The following SPINK9 variants were observed in gnomAD, a reference collection of about 807,000 sequenced individuals.
The protein encoded by SPINK9 is serine protease inhibitor Kazal-type 9.
Under a neutral mutation model 10.8 loss-of-function variants are expected in SPINK9, and 3 were observed. The ratio of observed to expected loss-of-function variants is 0.28; its 90% CI spans 0.13 to 0.72. The LOEUF (loss-of-function observed/expected upper bound fraction) is 0.72, where lower values mean the gene tolerates loss of function less well. Ranked by LOEUF, SPINK9 falls within the 30% of genes least tolerant of loss-of-function variation. The pLI is 0.74. For synonymous variants in SPINK9, 30 were observed against 31.2 expected (o/e 0.96, Z 0.12); for missense variants, 101 against 103.2 (o/e 0.98, Z 0.09).
chr5:148,326,687 C>T (rs902852922), intron 2 of SPINK9, among the ~76,000 whole-genome samples: 10 of 151,914 alleles, frequency 6.6e-5, no homozygotes, highest in Middle Eastern at 3.2e-3. Context: ...CAACAGTCCC[C>T]GGTGTGTGAT....
intron 2 of SPINK9, among the ~76,000 whole-genome samples, chr5:148,329,692 C>T (rs1757120967): frequency 6.6e-6 from 1 of 152,042 alleles, no homozygotes; most frequent in Admixed American, 6.5e-5. Flanking sequence ...CCCAGAGATT[C>T]TGGTATGTTG....
upstream of SPINK9, among the ~76,000 whole-genome samples, chr5:148,335,092 C>T (rs944785896): frequency 2.0e-5 from 3 of 152,164 alleles, no homozygotes; most frequent in African/African-American, 7.2e-5. Context: ...ATAAAGTGTC[C>T]TCCAATTCTA....
At chr5:148,330,436 T>A (rs1757133055) in intron 2 of SPINK9, among the ~76,000 whole-genome samples, 1 of 152,204 alleles carries the variant, frequency 6.6e-6, no homozygotes, top group Non-Finnish European at 1.5e-5. Context: ...TACAGCACAC[T>A]GATGGGTCTT....
Position 148,339,737 on chromosome 5 carries a change from C to G in SPINK9, c.*25C>G, listed in dbSNP as rs1757265231. The stretch of plus-strand genomic sequence containing the variant: ...AATCTATCTTGTGAGTCCAAAATAT[C>G]TTTTAATGCATCTATTCACAAGAGT... On this transcript the variant is annotated 3_prime_UTR_variant, in exon 4 of 4. Coordinates refer to ENST00000377906, the MANE Select transcript of SPINK9 (RefSeq NM_001040433.2). 6.3e-7 allele frequency: 1 copy of G among 1,577,062 alleles called. No individual in the cohort carries two copies. The highest frequency in any genetic ancestry group is 8.7e-7 in the Non-Finnish European group (1 of 1,147,272).
chr5:148,322,863 T>C (rs1229274303), intron 1 of SPINK9, among the ~76,000 whole-genome samples: 2 of 152,304 alleles, frequency 1.3e-5, no homozygotes, highest in East Asian at 3.9e-4. Context: ...CTGTTGATAA[T>C]GCTGACCTTT....
At chr5:148,335,757 A>G (rs1757209365) in intron 1 of SPINK9, 89 bp downstream of exon 1, 1 of 1,433,432 alleles carries the variant, frequency 7.0e-7, no homozygotes, top group Non-Finnish European at 9.6e-7. Context: ...TATGTAATTC[A>G]TCACATAAAT....
chr5:148,321,593 C>T (rs553581019), intron 1 of SPINK9, among the ~76,000 whole-genome samples: 64 of 151,818 alleles, frequency 4.2e-4, no homozygotes, highest in African/African-American at 1.5e-3. Flanking sequence ...CAAGTCCAAT[C>T]CTCTTTTCAT....
intron 2 of SPINK9, among the ~76,000 whole-genome samples, chr5:148,325,380 T>C (rs1054575074): frequency 2.6e-5 from 4 of 152,122 alleles, no homozygotes; most frequent in Admixed American, 2.6e-4. Context: ...CATTTTCATT[T>C]ACATTTATAC....
At chr5:148,336,479 G>A (rs745862266) in intron 2 of SPINK9, 26 bp downstream of exon 2, 14 of 1,609,638 alleles carry the variant, frequency 8.7e-6, no homozygotes, top group Non-Finnish European at 1.2e-5. Context: ...CTACTTTTAT[G>A]TAATTTTAAA....
intron 2 of SPINK9, among the ~76,000 whole-genome samples, chr5:148,328,845 G>C (rs910630686): frequency 3.3e-5 from 5 of 152,130 alleles, no homozygotes; most frequent in Admixed American, 6.5e-5. Flanking sequence ...GCATCCCAGG[G>C]ATGAAGCCCA....
intron 2 of SPINK9, among the ~76,000 whole-genome samples, chr5:148,328,972 G>A (rs1047889533): frequency 6.2e-4 from 95 of 152,076 alleles, no homozygotes; most frequent in African/African-American, 2.2e-3. Context: ...CTCTTTTTTC[G>A]TTGTGTCTCT....
chr5:148,327,882 A>C (rs1311769718), intron 2 of SPINK9, among the ~76,000 whole-genome samples: 4 of 152,204 alleles, frequency 2.6e-5, no homozygotes, highest in African/African-American at 7.2e-5. Context: ...TTTTTGTACC[A>C]GTACCATGCT....
In SPINK9 at chr5:148,339,629, C is replaced by T. The variant is rs754926308; in HGVS notation, c.216-38C>T. The T allele has an allele frequency of 5.1e-6, 8 of 1,582,960 alleles. No homozygotes were observed. The South Asian group carries it at 8.9e-5, about 18-fold the overall frequency. On this transcript the variant is annotated intron_variant, in intron 3 of 3. Coordinates refer to ENST00000377906, the MANE Select transcript of SPINK9 (RefSeq NM_001040433.2). Reference sequence around the variant, plus strand: ...TGGATGCTAATGAAATGCCTATGGGCTCAGCATTTCTCATTTGTTGCTATA... The same window carrying T: ...TGGATGCTAATGAAATGCCTATGGGTTCAGCATTTCTCATTTGTTGCTATA...
chr5:148,324,688 T>C (rs2112759), intron 2 of SPINK9, among the ~76,000 whole-genome samples: 54,887 of 151,722 alleles, frequency 0.36, 11,016 homozygotes, highest in East Asian at 0.58. Flanking sequence ...AAGAACATGA[T>C]AATGCATGAT....
intron 2 of SPINK9, among the ~76,000 whole-genome samples, chr5:148,337,169 C>A (rs907823358): frequency 6.6e-6 from 1 of 152,120 alleles, no homozygotes; most frequent in African/African-American, 2.4e-5. Flanking sequence ...CTGAAAGTTA[C>A]GAGCTTGGTA....
chr5:148,333,837 GTAA>G (rs2113420613), upstream of SPINK9, among the ~76,000 whole-genome samples: 1 of 152,236 alleles, frequency 6.6e-6, no homozygotes, highest in South Asian at 2.1e-4. Context: ...ATTCTTGATT[GTAA>G]TAATACTTGT....
intron 1 of SPINK9, among the ~76,000 whole-genome samples, chr5:148,321,917 T>C (rs907958187): frequency 6.6e-6 from 1 of 150,778 alleles, no homozygotes; most frequent in Non-Finnish European, 1.5e-5. Flanking sequence ...GCCCTAGCAA[T>C]TTTTTTTGTC....
intron 2 of SPINK9, among the ~76,000 whole-genome samples, chr5:148,330,120 T>A (rs1464189733): frequency 1.3e-5 from 2 of 152,172 alleles, no homozygotes; most frequent in Non-Finnish European, 2.9e-5. Flanking sequence ...AAGTCTCCCA[T>A]TATTATTATG....
At chr5:148,336,544 T>G in intron 2 of SPINK9, 91 bp downstream of exon 2, 1 of 1,326,776 alleles carries the variant, frequency 7.5e-7, no homozygotes, top group Non-Finnish European at 1.1e-6. Flanking sequence ...TTTCTATATG[T>G]TTGAATATTT....
Sources: allele counts gnomAD v4.1 joint callset (sites outside exome capture counted in the v4.1 genomes callset), GRCh38; gene constraint gnomAD v4.1.1; transcripts MANE v1.5; gene names NCBI Gene and HGNC (gene_info 2026-07-23, HGNC 2026-07-21).